RP1: variants seen among roughly 807,000 people sequenced by gnomAD.
RP1 encodes the protein RP1 axonemal microtubule associated.
Under a neutral mutation model 14.8 loss-of-function variants are expected in RP1, and 16 were observed. The observed-to-expected ratio is 1.08, with a 90% CI of 0.73 to 1.65. The LOEUF (loss-of-function observed/expected upper bound fraction) is 1.65. Among genes scored for constraint, RP1 ranks in the 40% most tolerant of loss-of-function variants. RP1 has a pLI of 0.00. For missense variants in RP1, 2,631 were observed against 2,535.0 expected, an observed-to-expected ratio of 1.04 and a Z score of -0.81; for synonymous variants, 876 against 883.6, an observed-to-expected ratio of 0.99 and a Z score of 0.15.
chr8:54,576,516 G>T (rs942572067), intron 1 of RP1, among the ~76,000 whole-genome samples: 1 of 152,210 alleles, frequency 6.6e-6, no homozygotes, highest in Non-Finnish European at 1.5e-5. Context: ...GTTCTTCAAA[G>T]ATATGTTAGA....
chr8:54,641,238 T>C (rs2129322598), intron 3 of RP1, among the ~76,000 whole-genome samples: 1 of 152,212 alleles, frequency 6.6e-6, no homozygotes, highest in East Asian at 1.9e-4. Flanking sequence ...AGCCACTGCG[T>C]CCGGCCATAA....
chr8:54,673,769 A>AACG, intron 7 of RP1: 1 of 1,205,270 alleles, frequency 8.3e-7, no homozygotes, highest in South Asian at 1.4e-5. Context: ...CAACAACAAC[A>AACG]AACACTGCAT....
chr8:54,706,920 G>A (rs1013349994), intron 15 of RP1, among the ~76,000 whole-genome samples: 5 of 152,102 alleles, frequency 3.3e-5, no homozygotes, highest in African/African-American at 1.2e-4. Flanking sequence ...TCTGATTGAG[G>A]AAGGCTGGCG....
At chr8:54,851,080 C>T (rs1563396090) in intron 25 of RP1, among the ~76,000 whole-genome samples, 1 of 151,956 alleles carries the variant, frequency 6.6e-6, no homozygotes, top group East Asian at 1.9e-4. Context: ...TGCATGTGTG[C>T]ATGTGCGTGC....
chr8:54,677,019 T>G (rs982367455), intron 8 of RP1, among the ~76,000 whole-genome samples: 1 of 151,852 alleles, frequency 6.6e-6, no homozygotes, highest in Non-Finnish European at 1.5e-5. Flanking sequence ...GGCAGTGGTT[T>G]TCAAAGTGTG....
intron 27 of RP1, among the ~76,000 whole-genome samples, chr8:54,864,492 C>A (rs1445592962): frequency 6.6e-6 from 1 of 152,022 alleles, no homozygotes. Flanking sequence ...TTTTTTATAG[C>A]CATTTTAAAT....
At position 54,710,652 on chromosome 8, in the gene RP1, G is replaced by A. The variant is rs139436325; in HGVS notation, c.2211+3997G>A. ...AGAATTTTATTGAGCAATGAAAGTC[G>A]CTGTCAGCGGAGAGGGGAGCTGGAA... is the stretch of plus-strand genomic sequence containing the variant. On this transcript the variant is annotated intron_variant, in intron 15 of 22. Coordinates refer to the RP1 transcript ENST00000636932. Among the ~76,000 whole-genome samples, 38 of 152,278 alleles carry A rather than the reference G, an allele frequency of 2.5e-4. No homozygotes were observed. The East Asian group carries it at 3.9e-3, about 15-fold the overall frequency.
At chr8:54,720,045 T>G (rs1585634101) in intron 15 of RP1, 3 of 1,135,638 alleles carry the variant, frequency 2.6e-6, no homozygotes, top group Admixed American at 6.2e-5. Flanking sequence ...CGAGACAAAA[T>G]TATATTCTTT....
intron 21 of RP1, among the ~76,000 whole-genome samples, chr8:54,757,803 A>T (rs1220611823): frequency 6.6e-6 from 1 of 152,230 alleles, no homozygotes. Context: ...GCCTCATGAA[A>T]CGTCCCTTGT....
At chr8:54,848,905 C>G (rs887243568) in intron 25 of RP1, among the ~76,000 whole-genome samples, 5 of 152,114 alleles carry the variant, frequency 3.3e-5, no homozygotes, top group Non-Finnish European at 7.3e-5. Flanking sequence ...CCTGCCACCA[C>G]GCCCTGCGAA....
intron 24 of RP1, among the ~76,000 whole-genome samples, chr8:54,811,699 T>C (rs1207307724): frequency 6.6e-6 from 1 of 152,220 alleles, no homozygotes; most frequent in African/African-American, 2.4e-5. Context: ...TTTTTAAAAC[T>C]GGTAGAATCA....
At chr8:54,749,361 A>G (rs1468680989) in intron 19 of RP1, among the ~76,000 whole-genome samples, 11 of 152,000 alleles carry the variant, frequency 7.2e-5, no homozygotes, top group Admixed American at 5.9e-4. Context: ...AACAAGTAGA[A>G]TACAAATATA....
At chr8:54,837,153 A>AGTGTGTG (rs1811677849) in intron 24 of RP1, among the ~76,000 whole-genome samples, 1 of 74,070 alleles carries the variant, frequency 1.4e-5, no homozygotes. Flanking sequence ...CTGAATGAAT[A>AGTGTGTG]GTGTGTGATA....
chr8:54,696,410 G>T, intron 12 of RP1: 1 of 697,142 alleles, frequency 1.4e-6, no homozygotes, highest in Non-Finnish European at 2.5e-6. Flanking sequence ...GGCGGAGCAA[G>T]AGCAAAGAAA....
intron 24 of RP1, among the ~76,000 whole-genome samples, chr8:54,812,762 CATCTATCTATCT>C (rs58007600): frequency 1.1e-3 from 158 of 145,270 alleles, no homozygotes; most frequent in Middle Eastern, 3.5e-3. Context: ...ATCTATCTAT[CATCTATCTATCT>C]ATCTATCTAT....
Position 54,670,671 on chromosome 8 carries a change from T to TATATA in RP1, c.1324-3179_1324-3178insATATA, listed in dbSNP as rs1807154628. On this transcript the variant is annotated intron_variant, in intron 7 of 22. Coordinates refer to the RP1 transcript ENST00000636932. Reference sequence around the variant, plus strand: ...ATATTTATGAATAATATATATGTTTTTATATATATATATATATATATATAT... The same window carrying TATATA: ...ATATTTATGAATAATATATATGTTTTATATATATATATATATATATATATATATAT... 6.4e-5 allele frequency among the ~76,000 whole-genome samples: 4 copies of TATATA among 62,566 alleles called. 1 individual carries two copies. The highest frequency in any genetic ancestry group is 2.8e-4 in the African/African-American group (4 of 14,512). The allele number at this position is 62,566 out of a possible 152,430, so 41.0% of individuals were successfully genotyped here.
intron 1 of RP1, among the ~76,000 whole-genome samples, chr8:54,593,372 T>C (rs953310245): frequency 6.6e-6 from 1 of 152,234 alleles, no homozygotes; most frequent in African/African-American, 2.4e-5. Context: ...TTTTCCATCC[T>C]GTGTCTGCAT....
At chr8:54,855,420 G>T (rs1002735872) in intron 26 of RP1, among the ~76,000 whole-genome samples, 5 of 152,132 alleles carry the variant, frequency 3.3e-5, no homozygotes, top group African/African-American at 9.7e-5. Context: ...GAATGATGTC[G>T]CTATGAACAT....
chr8:54,836,161 C>T (rs185161719), intron 24 of RP1, among the ~76,000 whole-genome samples: 27 of 152,150 alleles, frequency 1.8e-4, no homozygotes, highest in African/African-American at 6.3e-4. Flanking sequence ...GTCTGGATAA[C>T]GGGTGTAATT....
Sources: allele counts gnomAD v4.1 joint callset (sites outside exome capture counted in the v4.1 genomes callset), GRCh38; gene constraint gnomAD v4.1.1; transcripts MANE v1.5; gene names NCBI Gene and HGNC (gene_info 2026-07-23, HGNC 2026-07-21).